UBAP1: variants seen among roughly 807,000 people sequenced by gnomAD.
UBAP1 encodes the protein ubiquitin associated protein 1, also known as ubiquitin-associated protein 1.
A neutral mutation model predicts 39.0 loss-of-function variants in UBAP1; 5 were observed. That is an observed-to-expected ratio of 0.13 (90% confidence interval 0.07 to 0.27). The LOEUF is 0.27. Among genes scored for constraint, UBAP1 ranks in the 10% least tolerant of loss-of-function variants. UBAP1 has a pLI of 1.00. For synonymous variants in UBAP1, 211 were observed against 225.1 expected, an observed-to-expected ratio of 0.94 and a Z score of 0.56; for missense variants, 490 against 608.1, an observed-to-expected ratio of 0.81 and a Z score of 2.04.
chr9:34,226,104 ATT>A (rs1491204971), intron 2 of UBAP1, among the ~76,000 whole-genome samples: 1 of 36,510 alleles, frequency 2.7e-5, no homozygotes, highest in Non-Finnish European at 5.9e-5. Flanking sequence ...CTCCTACTCT[ATT>A]GTGTGTGTGT....
chr9:34,225,343 A>T (rs1028533718), intron 2 of UBAP1, among the ~76,000 whole-genome samples: 5 of 152,158 alleles, frequency 3.3e-5, no homozygotes, highest in African/African-American at 1.2e-4. Context: ...GTTACTAGTG[A>T]CCATATATCC....
chr9:34,251,727 G>A lies in UBAP1; in HGVS notation c.*195G>A, dbSNP rs1025809066. The A allele has an allele frequency of 9.7e-6, 6 of 620,320 alleles. No individual in the cohort carries two copies. The highest frequency in any genetic ancestry group is 5.5e-5 in the African/African-American group (3 of 54,396). The allele number at this position is 620,320 out of a possible 1,614,324, so 38.4% of individuals were successfully genotyped here. On this transcript the variant is annotated 3_prime_UTR_variant, in exon 7 of 7. Transcript: ENST00000297661. ...AGGTGGGGAAGATTCGGGCATGTGA[G>A]TGCCCCCAGAACTGTCCTGGCTCCT...
At chr9:34,206,615 C>T (rs190611379) in intron 1 of UBAP1, among the ~76,000 whole-genome samples, 48 of 151,310 alleles carry the variant, frequency 3.2e-4, no homozygotes, top group Middle Eastern at 3.4e-3. Flanking sequence ...CTTCATTTTC[C>T]GAGTTTTTCA....
At chr9:34,223,414 A>C (rs1832866126) in intron 2 of UBAP1, among the ~76,000 whole-genome samples, 1 of 152,004 alleles carries the variant, frequency 6.6e-6, no homozygotes, top group Non-Finnish European at 1.5e-5. Context: ...CATCTCAAAA[A>C]AAAAAAAAAA....
chr9:34,194,594 G>C (rs1255515189), intron 1 of UBAP1, among the ~76,000 whole-genome samples: 2 of 152,130 alleles, frequency 1.3e-5, no homozygotes, highest in African/African-American at 4.8e-5. Flanking sequence ...GATTATAGGC[G>C]TGAGCCACCG....
intron 1 of UBAP1, among the ~76,000 whole-genome samples, chr9:34,198,257 T>C (rs1378250041): frequency 6.6e-6 from 1 of 152,136 alleles, no homozygotes; most frequent in Non-Finnish European, 1.5e-5. Flanking sequence ...CATAGATGGG[T>C]AGGACTATAG....
rs566536208 is a variant in UBAP1 at position 34,221,461 on chromosome 9, C to T, written c.34+513C>T. On this transcript the variant is annotated intron_variant, in intron 2 of 6. Transcript: ENST00000297661. Reference sequence around the variant, plus strand: ...AGAAGAATGGCGTGAACCCGGGAGGCGGAGCTTGCAGTGAGCCGAGATCGC... The same window carrying T: ...AGAAGAATGGCGTGAACCCGGGAGGTGGAGCTTGCAGTGAGCCGAGATCGC... 4.2e-4 allele frequency among the ~76,000 whole-genome samples: 62 copies of T among 148,670 alleles called. 1 individual carries two copies. Among genetic ancestry groups the T allele is most frequent in the African/African-American group, 1.3e-3 (52 of 40,254 alleles).
intron 2 of UBAP1, among the ~76,000 whole-genome samples, chr9:34,231,125 T>C (rs1356883435): frequency 3.1e-5 from 3 of 96,694 alleles, no homozygotes; most frequent in African/African-American, 1.4e-4. Context: ...TTTAAAAAAA[T>C]TATGTGTGTG....
chr9:34,226,153 G>GTGTGTGTGTGTGTT (rs1833087769), intron 2 of UBAP1, among the ~76,000 whole-genome samples: 1 of 142,168 alleles, frequency 7.0e-6, no homozygotes, highest in Non-Finnish European at 1.6e-5. Flanking sequence ...GTGTGTGTGT[G>GTGTGTGTGTGTGTT]TGTGGTGGGC....
chr9:34,214,438 C>T (rs1444410840), intron 1 of UBAP1, among the ~76,000 whole-genome samples: 1 of 152,076 alleles, frequency 6.6e-6, no homozygotes, highest in Non-Finnish European at 1.5e-5. Flanking sequence ...CCCTTTTTAA[C>T]AATAGCACTG....
intron 1 of UBAP1, among the ~76,000 whole-genome samples, chr9:34,184,308 T>A (rs1247979612): frequency 6.6e-6 from 1 of 151,580 alleles, no homozygotes; most frequent in East Asian, 2.0e-4. Context: ...CCAGGATTGT[T>A]AAACACTTTC....
intron 2 of UBAP1, among the ~76,000 whole-genome samples, chr9:34,228,858 G>T (rs1302590277): frequency 6.6e-6 from 1 of 151,776 alleles, no homozygotes; most frequent in South Asian, 2.1e-4. Context: ...TGGGATTACA[G>T]CTGTGAGCCA....
intron 1 of UBAP1, among the ~76,000 whole-genome samples, chr9:34,180,321 C>G (rs1052998038): frequency 6.6e-6 from 1 of 151,958 alleles, no homozygotes; most frequent in Non-Finnish European, 1.5e-5. Context: ...TCAAGACCAG[C>G]CTGACCAACA....
In UBAP1 at chr9:34,195,031, C is replaced by T. The variant is rs965784188; in HGVS notation, c.-8+15791C>T. Among the ~76,000 whole-genome samples, 5 of 152,270 alleles carry T rather than the reference C, an allele frequency of 3.3e-5. No individual in the cohort carries two copies. In the South Asian group the frequency reaches 1.0e-3, roughly 32 times the overall value. ...CTTGCTCAAACTCACTTTATTCATC[C>T]CTGTGTATTGTTTTTATCTTTTTTT... On this transcript the variant is annotated intron_variant, in intron 1 of 6. Coordinates refer to ENST00000297661, the MANE Select transcript of UBAP1 (RefSeq NM_016525.5).
intron 3 of UBAP1, among the ~76,000 whole-genome samples, chr9:34,235,070 T>C (rs956325659): frequency 1.3e-5 from 2 of 152,186 alleles, no homozygotes; most frequent in Non-Finnish European, 2.9e-5. Flanking sequence ...GCTTCATTTT[T>C]AAGAAAGAAG....
At chr9:34,232,905 C>T (rs1036932342) in intron 2 of UBAP1, among the ~76,000 whole-genome samples, 1 of 152,208 alleles carries the variant, frequency 6.6e-6, no homozygotes, top group Non-Finnish European at 1.5e-5. Context: ...CCTCCCAGAG[C>T]TGCTCCAGAA....
intron 2 of UBAP1, among the ~76,000 whole-genome samples, chr9:34,232,668 A>C (rs1833487922): frequency 6.6e-6 from 1 of 150,594 alleles, no homozygotes; most frequent in South Asian, 2.1e-4. Flanking sequence ...ACAAGATTAC[A>C]AATATTTTCT....
intron 1 of UBAP1, among the ~76,000 whole-genome samples, chr9:34,190,858 G>A (rs1236291167): frequency 6.9e-6 from 1 of 145,834 alleles, no homozygotes; most frequent in Non-Finnish European, 1.5e-5. Context: ...ATGTTGCACA[G>A]GCTGGTCTCA....
At chr9:34,217,421 A>G (rs991269252) in intron 1 of UBAP1, among the ~76,000 whole-genome samples, 1 of 151,952 alleles carries the variant, frequency 6.6e-6, no homozygotes, top group Non-Finnish European at 1.5e-5. Context: ...ATTTTTGTAG[A>G]TACTGGGTTT....
Sources: allele counts gnomAD v4.1 joint callset (sites outside exome capture counted in the v4.1 genomes callset), GRCh38; gene constraint gnomAD v4.1.1; transcripts MANE v1.5; gene names NCBI Gene and HGNC (gene_info 2026-07-23, HGNC 2026-07-21).